Variants in NUP160 observed in about 807,000 individuals in gnomAD.
NUP160 encodes the protein nuclear pore complex protein Nup160.
In NUP160, 94 loss-of-function variants were observed where a neutral mutation model predicts 196.9. The observed-to-expected ratio is 0.48, with a 90% CI of 0.40 to 0.57. NUP160 has a LOEUF of 0.57. Among genes scored for constraint, NUP160 ranks in the 20% least tolerant of loss-of-function variants. NUP160 has a pLI of 0.00. For missense variants in NUP160, 1,638 were observed against 1,748.3 expected (o/e 0.94, Z 1.13); for synonymous variants, 605 against 619.7 (o/e 0.98, Z 0.35).
chr11:47,796,370 A>G (rs2097670918), intron 27 of NUP160: 1 of 592,378 alleles, frequency 1.7e-6, no homozygotes, highest in Non-Finnish European at 3.0e-6. Context: ...TTATCCTTAC[A>G]AATTGCTGTT....
In NUP160 at chr11:47,831,894, C is replaced by CTTTT. The variant is rs554204043; in HGVS notation, c.1101+3753_1101+3756dup. On this transcript the variant is annotated intron_variant, in intron 7 of 35. Transcript: ENST00000378460. The stretch of plus-strand genomic sequence containing the variant: ...GAGACAGATCTGATCTAATAAATTC[C>CTTTT]TTTTTTTTTTTTTTTTTTTTTTTTT... 2.3e-3 allele frequency among the ~76,000 whole-genome samples: 163 copies of CTTTT among 69,992 alleles called. 10 individuals are homozygous for CTTTT. The highest frequency in any genetic ancestry group is 9.2e-3 in the African/African-American group (149 of 16,204). 45.9% of individuals were successfully genotyped at this position (69,992 alleles called of 152,430 possible).
intron 35 of NUP160, among the ~76,000 whole-genome samples, chr11:47,780,005 T>C (rs1196164739): frequency 1.3e-5 from 2 of 152,200 alleles, no homozygotes; most frequent in African/African-American, 2.4e-5. Flanking sequence ...GCTGGGATTA[T>C]AGGCGTGAGC....
At chr11:47,846,043 G>T (rs1852394726) in intron 2 of NUP160, among the ~76,000 whole-genome samples, 1 of 151,868 alleles carries the variant, frequency 6.6e-6, no homozygotes, top group African/African-American at 2.4e-5. Flanking sequence ...GGCTGAGGTG[G>T]GAGGGTCACT....
chr11:47,787,303 G>T (rs2097665125), intron 31 of NUP160, among the ~76,000 whole-genome samples: 1 of 152,020 alleles, frequency 6.6e-6, no homozygotes, highest in Non-Finnish European at 1.5e-5. Context: ...GGCCGGGCAG[G>T]TCTTGAACTC....
At chr11:47,824,050 T>TACAC (rs1303542292) in intron 7 of NUP160, among the ~76,000 whole-genome samples, 4 of 99,078 alleles carry the variant, frequency 4.0e-5, no homozygotes, top group Non-Finnish European at 6.1e-5. Flanking sequence ...TATATATATA[T>TACAC]ATACACACAC....
chr11:47,785,758 T>C (rs2097664150), intron 32 of NUP160, among the ~76,000 whole-genome samples: 1 of 152,342 alleles, frequency 6.6e-6, no homozygotes, highest in South Asian at 2.1e-4. Flanking sequence ...ACTAGGGTGA[T>C]TTCTCATAAT....
chr11:47,812,056 G>A lies in NUP160; in HGVS notation c.2241+8C>T, dbSNP rs756717808. 6.2e-7 allele frequency: 1 copy of A among 1,613,810 alleles called. No homozygotes were observed. Among genetic ancestry groups the A allele is most frequent in the South Asian group, 1.1e-5 (1 of 91,048 alleles). On this transcript the variant is annotated splice_region_variant and intron_variant, in intron 17 of 35. Transcript: ENST00000378460. ...GATTTTACAAGTTTTCCCTCAAGCA[G>A]TACTTACAGCATCTCCAAGCCTCAT... is the stretch of plus-strand genomic sequence containing the variant.
At chr11:47,805,506 G>A (rs1164221024) in intron 20 of NUP160, among the ~76,000 whole-genome samples, 53 of 149,608 alleles carry the variant, frequency 3.5e-4, no homozygotes, top group Non-Finnish European at 1.6e-4. Context: ...GTGCAGTGGC[G>A]CAATCTCGGC....
intron 7 of NUP160, among the ~76,000 whole-genome samples, chr11:47,833,311 C>T (rs1434385593): frequency 2.0e-5 from 3 of 151,654 alleles, no homozygotes; most frequent in East Asian, 1.9e-4. Context: ...AAAAATTAGC[C>T]GGGTATGGTG....
Position 47,808,417 on chromosome 11 carries a change from G to A in NUP160, c.2354C>T (p.Thr785Ile), listed in dbSNP as rs765878253. The change falls in exon 18 of 36, where the codon ACT becomes ATT. Residue 785 changes from threonine (T) to isoleucine (I), a missense_variant. Transcript: ENST00000378460. ...TCACAGTGTGTCAAGTGGAACATCA[G>A]TTGCCAAGCACTCACTTCCCCATTT... is the stretch of plus-strand genomic sequence containing the variant. 21 of 1,613,198 alleles carry A rather than the reference G, an allele frequency of 1.3e-5. No individual in the cohort carries two copies. In the East Asian group the frequency reaches 4.2e-4, roughly 33 times the overall value.
intron 7 of NUP160, among the ~76,000 whole-genome samples, chr11:47,829,907 G>T (rs779550797): frequency 2.0e-5 from 3 of 152,126 alleles, no homozygotes; most frequent in African/African-American, 7.2e-5. Context: ...CACAGTAAAA[G>T]AAACTTTCAG....
chr11:47,791,714 A>C (rs2097668004), intron 29 of NUP160, among the ~76,000 whole-genome samples: 1 of 152,198 alleles, frequency 6.6e-6, no homozygotes, highest in Non-Finnish European at 1.5e-5. Context: ...AATCTCCAGA[A>C]AAAGAATCCA....
At chr11:47,794,047 T>C (rs1260256640) in intron 27 of NUP160, among the ~76,000 whole-genome samples, 1 of 151,728 alleles carries the variant, frequency 6.6e-6, no homozygotes, top group Non-Finnish European at 1.5e-5. Flanking sequence ...TAGAGATGGG[T>C]GGTAAAATGG....
chr11:47,797,248 A>G (rs1004359629), intron 27 of NUP160, among the ~76,000 whole-genome samples: 3 of 152,134 alleles, frequency 2.0e-5, no homozygotes, highest in African/African-American at 7.2e-5. Flanking sequence ...TTATTTATTT[A>G]TGAGACGGAG....
intron 2 of NUP160, among the ~76,000 whole-genome samples, chr11:47,847,086 G>A (rs906155066): frequency 2.6e-5 from 4 of 152,074 alleles, no homozygotes; most frequent in African/African-American, 9.7e-5. Context: ...TACCTCTCCA[G>A]CCTCAGTATC....
chr11:47,785,422 T>A (rs531280886), intron 32 of NUP160, among the ~76,000 whole-genome samples: 90 of 152,260 alleles, frequency 5.9e-4, no homozygotes, highest in Admixed American at 9.8e-4. Context: ...GGAGTCACCA[T>A]GCCCAGCCTT....
intron 27 of NUP160, among the ~76,000 whole-genome samples, chr11:47,797,094 C>T (rs2097671304): frequency 2.0e-5 from 3 of 152,158 alleles, no homozygotes; most frequent in Non-Finnish European, 4.4e-5. Context: ...CTATTATACT[C>T]ATAACCTAAG....
intron 23 of NUP160, among the ~76,000 whole-genome samples, chr11:47,799,287 T>C (rs918957251): frequency 1.3e-5 from 2 of 152,130 alleles, no homozygotes; most frequent in South Asian, 4.2e-4. Flanking sequence ...GGTTTCACCA[T>C]GGTGGTCAGA....
Position 47,792,647 on chromosome 11 carries a change from GATT to G in NUP160, c.3450+136_3450+138del. ...ATACAACAATTGAATTGTAAACATA[GATT>G]TTTTTCACAAATATCTCAGTAGAAA... On this transcript the variant is annotated intron_variant, in intron 28 of 35. Transcript: ENST00000378460. 5.0e-6 allele frequency: 4 copies of G among 802,036 alleles called. No individual in the cohort carries two copies. In the East Asian group the frequency reaches 1.1e-4, roughly 22 times the overall value. 49.7% of individuals were successfully genotyped at this position (802,036 alleles called of 1,614,324 possible).
Sources: gnomAD v4.1 joint callset for allele counts (sites outside exome capture counted in the v4.1 genomes callset) on GRCh38, gnomAD v4.1.1 for gene constraint, MANE v1.5 for transcripts, NCBI Gene and HGNC (gene_info 2026-07-23, HGNC 2026-07-21) for gene names.